Variants in ARHGAP21 observed in about 807,000 individuals in gnomAD.
The protein encoded by ARHGAP21 is rho GTPase-activating protein 21.
Under a neutral mutation model 164.6 loss-of-function variants are expected in ARHGAP21, and 38 were observed. The observed-to-expected ratio is 0.23, with a 90% CI of 0.18 to 0.30. The LOEUF is 0.30. ARHGAP21 is among the 10% of genes least tolerant of loss of function. The pLI, the probability that ARHGAP21 is intolerant of heterozygous loss-of-function variation, is 1.00. For missense variants in ARHGAP21, 1,822 were observed against 2,370.7 expected (o/e 0.77, Z 4.81); for synonymous variants, 766 against 857.9 (o/e 0.89, Z 1.87).
intron 11 of ARHGAP21, among the ~76,000 whole-genome samples, chr10:24,606,976 G>T (rs1047407325): frequency 6.6e-6 from 1 of 152,180 alleles, no homozygotes; most frequent in East Asian, 1.9e-4. Flanking sequence ...GATAGCATAA[G>T]ATTTGATCAA....
chr10:24,677,386 G>GA, intron 2 of ARHGAP21, among the ~76,000 whole-genome samples: 1 of 152,172 alleles, frequency 6.6e-6, no homozygotes, highest in Admixed American at 6.5e-5. Context: ...TGGAGCATTG[G>GA]AAAAAACTGG....
Position 24,720,083 on chromosome 10 carries a change from A to G in ARHGAP21, c.63+1754T>C, listed in dbSNP as rs117215596. Among the ~76,000 whole-genome samples the G allele has an allele frequency of 9.3e-3, 1,419 of 152,302 alleles. 14 individuals carry two copies. The highest frequency in any genetic ancestry group is 0.014 in the Non-Finnish European group (981 of 68,016). ...TCATTGCTAAACTTAAAAACAAGAT[A>G]GCCATGCTGCCAGCAGTAAGGTCCA... On this transcript the variant is annotated intron_variant, in intron 2 of 25. Transcript: ENST00000396432.
Position 24,591,143 on chromosome 10 carries a change from TTCACTATG to T in ARHGAP21, c.4150+74_4150+81del, listed in dbSNP as rs1464740741. The T allele has an allele frequency of 5.8e-6, 7 of 1,203,184 alleles. No individual in the cohort carries two copies. The East Asian group carries it at 1.4e-4, about 25-fold the overall frequency. The allele number at this position is 1,203,184 out of a possible 1,614,324, so 74.5% of individuals were successfully genotyped here. A position where few individuals can be genotyped will look rare whatever the true frequency, so the allele number is the denominator to read the frequency against. ...AAAAGAAAAAAATCATAAGTAACAA[TTCACTATG>T]ATTGATTTGCTCTTTCATATTGTAA... On this transcript the variant is annotated intron_variant, in intron 24 of 25. Transcript: ENST00000396432.
At chr10:24,603,326 C>T (rs1186836337) in intron 12 of ARHGAP21, among the ~76,000 whole-genome samples, 2 of 152,112 alleles carry the variant, frequency 1.3e-5, no homozygotes, top group Non-Finnish European at 1.5e-5. Context: ...TGAATACCAG[C>T]GAGGGCTCTA....
intron 4 of ARHGAP21, among the ~76,000 whole-genome samples, chr10:24,655,071 A>G (rs1008421488): frequency 4.6e-5 from 7 of 152,256 alleles, no homozygotes; most frequent in Non-Finnish European, 8.8e-5. Context: ...AGCCATACGT[A>G]GAAAGCTGAA....
At chr10:24,634,691 T>A (rs568506654) in intron 5 of ARHGAP21, among the ~76,000 whole-genome samples, 97 of 152,366 alleles carry the variant, frequency 6.4e-4, no homozygotes, top group African/African-American at 2.3e-3. Flanking sequence ...AATACCTTCA[T>A]CATTTTGCTA....
At chr10:24,694,349 T>C (rs1462903893) in intron 2 of ARHGAP21, among the ~76,000 whole-genome samples, 1 of 152,230 alleles carries the variant, frequency 6.6e-6, no homozygotes, top group African/African-American at 2.4e-5. Flanking sequence ...CGTTGGTGTT[T>C]GGCAACTGGG....
chr10:24,622,905 G>A (rs1834724182), intron 7 of ARHGAP21, 143 bp from the exon 8 acceptor site: 3 of 683,772 alleles, frequency 4.4e-6, no homozygotes, highest in Non-Finnish European at 4.8e-6. Flanking sequence ...GTAAAGGGCA[G>A]TGAAGCATAA....
rs536675155 is a variant in ARHGAP21, at chr10:24,683,263, A to C, written c.64-12866T>G. 2.0e-5 allele frequency among the ~76,000 whole-genome samples: 3 copies of C among 152,258 alleles called. No individual in the cohort carries two copies. In the South Asian group the frequency reaches 6.2e-4, roughly 32 times the overall value. On this transcript the variant is annotated intron_variant, in intron 2 of 25. Coordinates refer to ENST00000396432, the MANE Select transcript of ARHGAP21 (RefSeq NM_020824.4). ...GTTCAACTTCATTATTTACTTGGAC[A>C]TTCATTTATAATAATACTTTTCATA...
Position 24,584,424 on chromosome 10 carries a change from A to G in ARHGAP21, c.5865T>C (p.His1955=), listed in dbSNP as rs760542248. 3.1e-5 allele frequency: 50 copies of G among 1,606,812 alleles called. No homozygotes were observed. Among genetic ancestry groups the G allele is most frequent in the Non-Finnish European group, 2.5e-6 (3 of 1,176,554 alleles). Residue 1955 remains histidine (H), a synonymous_variant, in exon 26 of 26, where the codon CAT becomes CAC. Transcript: ENST00000396432. ...ACATACCCCCAGTTTAAAGACAGGGATGAAACTCTGCTTTACTGCCTGGGG... is the reference window on the plus strand; with the variant it reads ...ACATACCCCCAGTTTAAAGACAGGGGTGAAACTCTGCTTTACTGCCTGGGG... ...SETPGSKAEF[H]PCL
intron 4 of ARHGAP21, among the ~76,000 whole-genome samples, chr10:24,636,649 C>T (rs1836417255): frequency 6.6e-6 from 1 of 152,126 alleles, no homozygotes; most frequent in Non-Finnish European, 1.5e-5. Flanking sequence ...AAGGAAGTTA[C>T]TTAATAAAGG....
At chr10:24,607,433 T>C (rs543704935) in intron 11 of ARHGAP21, 66 bp downstream of exon 11, 20 of 1,302,194 alleles carry the variant, frequency 1.5e-5, no homozygotes, top group Middle Eastern at 5.4e-4. Flanking sequence ...TCTGAACTTA[T>C]GTGTCAAGGT....
chr10:24,621,455 G>A (rs934725260), intron 8 of ARHGAP21, 86 bp from the exon 9 acceptor site: 13 of 1,204,522 alleles, frequency 1.1e-5, no homozygotes, highest in Non-Finnish European at 1.5e-5. Context: ...TTTTATCTAT[G>A]TCCTACCTCG....
chr10:24,653,973 A>G (rs866292695), intron 4 of ARHGAP21, among the ~76,000 whole-genome samples: 29 of 152,354 alleles, frequency 1.9e-4, no homozygotes, highest in Middle Eastern at 3.4e-3. Context: ...TGCAAATCAT[A>G]TATCTGATAA....
At chr10:24,591,361 A>G in intron 23 of ARHGAP21, 31 bp from the exon 24 acceptor site, 1 of 1,536,374 alleles carries the variant, frequency 6.5e-7, no homozygotes, top group Non-Finnish European at 8.9e-7. Flanking sequence ...TCTCTTCATC[A>G]TCTCTTCAAA....
intron 2 of ARHGAP21, among the ~76,000 whole-genome samples, chr10:24,708,018 A>G (rs1844402922): frequency 6.6e-6 from 1 of 152,222 alleles, no homozygotes; most frequent in Non-Finnish European, 1.5e-5. Context: ...GTTTTATAGG[A>G]TGCAGAATAT....
intron 2 of ARHGAP21, among the ~76,000 whole-genome samples, chr10:24,674,714 TACAC>T (rs200032243): frequency 1.3e-5 from 2 of 151,174 alleles, no homozygotes; most frequent in Admixed American, 6.6e-5. Flanking sequence ...ATGAAAAGTA[TACAC>T]ACACACACAC....
Position 24,721,946 on chromosome 10 carries a change from T to C in ARHGAP21, c.-47A>G. 3 of 1,603,016 alleles carry C rather than the reference T, an allele frequency of 1.9e-6. No individual in the cohort carries two copies. Among genetic ancestry groups the C allele is most frequent in the Non-Finnish European group, 2.6e-6 (3 of 1,171,820 alleles). ...GGGACAAATCCTTTGGAGTCCACAT[T>C]GGACGTGGCGGGGAATGCCACCACA... On this transcript the variant is annotated 5_prime_UTR_variant, in exon 2 of 26. Coordinates refer to ENST00000396432, the MANE Select transcript of ARHGAP21 (RefSeq NM_020824.4).
intron 4 of ARHGAP21, among the ~76,000 whole-genome samples, chr10:24,639,097 C>T (rs1007388551): frequency 6.6e-6 from 1 of 152,114 alleles, no homozygotes; most frequent in Admixed American, 6.5e-5. Context: ...TCTCTATATT[C>T]ATTATAATGC....
Sources: allele counts gnomAD v4.1 joint callset (sites outside exome capture counted in the v4.1 genomes callset), GRCh38; gene constraint gnomAD v4.1.1; transcripts MANE v1.5; gene names NCBI Gene and HGNC (gene_info 2026-07-23, HGNC 2026-07-21).